Variants in ZFPM1 observed in about 807,000 individuals in gnomAD.
ZFPM1 encodes zinc finger protein ZFPM1.
Under a neutral mutation model 46.3 loss-of-function variants are expected in ZFPM1, and 28 were observed. The ratio of observed to expected loss-of-function variants is 0.60; its 90% CI spans 0.45 to 0.83. The LOEUF (loss-of-function observed/expected upper bound fraction) is 0.83, where lower values mean the gene tolerates loss of function less well. ZFPM1 is among the 40% of genes least tolerant of loss of function. The pLI, the probability that ZFPM1 is intolerant of heterozygous loss-of-function variation, is 0.00. For synonymous variants in ZFPM1, 957 were observed against 675.9 expected, an observed-to-expected ratio of 1.42 and a Z score of -6.45; for missense variants, 1,878 against 1,432.4, an observed-to-expected ratio of 1.31 and a Z score of -5.02.
At chr16:88,493,359 G>GC (rs1909721642) in intron 3 of ZFPM1, among the ~76,000 whole-genome samples, 1 of 142,980 alleles carries the variant, frequency 7.0e-6, no homozygotes, top group Admixed American at 6.8e-5. Context: ...GTCCCGGGGT[G>GC]GGGAGAGCTG....
intron 4 of ZFPM1, among the ~76,000 whole-genome samples, chr16:88,514,793 T>C (rs1202540842): frequency 1.3e-5 from 2 of 152,126 alleles, no homozygotes; most frequent in Non-Finnish European, 2.9e-5. Flanking sequence ...TGACTGGGCA[T>C]TGAAGCAGAG....
rs554548474 is a variant in ZFPM1, at chr16:88,528,253, C to T, written c.712+15C>T. ...AGTGATCAACAGTAAGTGCTGGGCT[C>T]TCCGCACCCAGGGCGGCTGCTCCAC... On this transcript the variant is annotated intron_variant, in intron 6 of 9. Transcript: ENST00000319555. The T allele has an allele frequency of 6.3e-7, 1 of 1,578,544 alleles. No homozygotes were observed.
At chr16:88,462,784 G>A (rs1907956927) in intron 1 of ZFPM1, among the ~76,000 whole-genome samples, 1 of 152,214 alleles carries the variant, frequency 6.6e-6, no homozygotes, top group Non-Finnish European at 1.5e-5. Context: ...CTGGGCTCCA[G>A]GGTTGCCCGG....
At position 88,532,254 on chromosome 16, in the gene ZFPM1, C is replaced by A; in HGVS notation, c.946+19C>A. ...CACAGCGGTGAGCCCCCACCCCGGA[C>A]GCGGGTCCTCAGGATGCCGGCTGCT... On this transcript the variant is annotated intron_variant, in intron 7 of 9. Coordinates refer to ENST00000319555, the MANE Select transcript of ZFPM1 (RefSeq NM_153813.3). 6.4e-7 allele frequency: 1 copy of A among 1,572,930 alleles called. No individual in the cohort carries two copies. The highest frequency in any genetic ancestry group is 8.6e-7 in the Non-Finnish European group (1 of 1,156,350).
intron 4 of ZFPM1, among the ~76,000 whole-genome samples, chr16:88,517,472 C>CTGGG (rs1291474810): frequency 1.6e-3 from 86 of 54,590 alleles, no homozygotes; most frequent in Non-Finnish European, 2.5e-3. Context: ...GGATGGATGG[C>CTGGG]TGGGTGGATG....
At position 88,534,758 on chromosome 16, in the gene ZFPM1, C is replaced by T; in HGVS notation, c.2800C>T (p.Pro934Ser). The change falls in exon 10 of 10, where the codon CCG (proline) becomes TCG (serine). Residue 934 changes from proline to serine, a missense_variant. Transcript: ENST00000319555. ...EPQEPPPGPPPSPAAAPEAVP... is the reference protein window; with the variant it reads ...EPQEPPPGPPSSPAAAPEAVP... ...CCAGGAGCCGCCGCCCGGCCCGCCC[C>T]CGTCCCCGGCCGCCGCGCCCGAGGC... 9.3e-7 allele frequency: 1 copy of T among 1,080,248 alleles called. No homozygotes were observed. Among genetic ancestry groups the T allele is most frequent in the Non-Finnish European group, 1.1e-6 (1 of 890,848 alleles). The allele number at this position is 1,080,248 out of a possible 1,614,324, so 66.9% of individuals were successfully genotyped here. A position where few individuals can be genotyped will look rare whatever the true frequency, so the allele number is the denominator to read the frequency against.
At position 88,534,270 on chromosome 16, in the gene ZFPM1, C is replaced by T. The variant is rs1913085265; in HGVS notation, c.2312C>T (p.Pro771Leu). ...GHAPAPESPR[P>L]GSGSGSGPGL... ...GCCCCCGCGCCCGAGTCGCCGCGGC[C>T]CGGAAGCGGAAGCGGAAGCGGCCCC... Residue 771 changes from proline to leucine, a missense_variant, in exon 10 of 10, where the codon CCC becomes CTC. Transcript: ENST00000319555. 1 of 1,123,906 alleles carries T rather than the reference C, an allele frequency of 8.9e-7. No homozygotes were observed. The highest frequency in any genetic ancestry group is 1.1e-6 in the Non-Finnish European group (1 of 922,972). The allele number at this position is 1,123,906 out of a possible 1,614,324, so 69.6% of individuals were successfully genotyped here. A position where few individuals can be genotyped will look rare whatever the true frequency, so the allele number is the denominator to read the frequency against.
chr16:88,516,172 G>T (rs1911283633), intron 4 of ZFPM1: 1 of 398,552 alleles, frequency 2.5e-6, no homozygotes, highest in Non-Finnish European at 4.4e-6. Context: ...GGATCAAACA[G>T]CAGAGGGAGA....
chr16:88,459,128 G>T (rs951120472), intron 1 of ZFPM1, among the ~76,000 whole-genome samples: 1 of 152,180 alleles, frequency 6.6e-6, no homozygotes, highest in Non-Finnish European at 1.5e-5. Context: ...GAATTTGCCT[G>T]TGTGCAGGCG....
intron 1 of ZFPM1, among the ~76,000 whole-genome samples, chr16:88,455,787 G>A (rs1291293261): frequency 6.6e-6 from 1 of 152,196 alleles, no homozygotes; most frequent in African/African-American, 2.4e-5. Flanking sequence ...GGGAGCGGGG[G>A]CAGGGCGAGG....
chr16:88,532,382 G>T, intron 7 of ZFPM1, 147 bp downstream of exon 7: 3 of 962,428 alleles, frequency 3.1e-6, no homozygotes, highest in Non-Finnish European at 4.5e-6. Context: ...GCCCCCGCAG[G>T]GGCCCAGAGC....
At chr16:88,505,724 C>G (rs1377125542) in intron 3 of ZFPM1, among the ~76,000 whole-genome samples, 1 of 152,188 alleles carries the variant, frequency 6.6e-6, no homozygotes, top group African/African-American at 2.4e-5. Flanking sequence ...CTGCTGACCC[C>G]ACCCAGGCCC....
Position 88,479,192 on chromosome 16 carries a change from C to T in ZFPM1, c.41-6747C>T, listed in dbSNP as rs185622094. On this transcript the variant is annotated intron_variant, in intron 1 of 9. Transcript: ENST00000319555. ...GAGTCCCGAGTCCCAACCGCGGGGCCGGGCTCCCCACGCAGGTGGTGCTGG... is the reference window on the plus strand; with the variant it reads ...GAGTCCCGAGTCCCAACCGCGGGGCTGGGCTCCCCACGCAGGTGGTGCTGG... Among the ~76,000 whole-genome samples the T allele has an allele frequency of 7.3e-4, 111 of 152,296 alleles. No homozygotes were observed. The East Asian group carries it at 0.014, about 19-fold the overall frequency.
At chr16:88,532,395 G>A (rs919434692) in intron 7 of ZFPM1, among the ~76,000 whole-genome samples, 160 bp downstream of exon 7, 1 of 152,200 alleles carries the variant, frequency 6.6e-6, no homozygotes, top group Non-Finnish European at 1.5e-5. Flanking sequence ...CCCAGAGCAG[G>A]CAGGCCGGAC....
chr16:88,476,282 C>A (rs566386495), intron 1 of ZFPM1, among the ~76,000 whole-genome samples: 1 of 152,186 alleles, frequency 6.6e-6, no homozygotes, highest in Non-Finnish European at 1.5e-5. Context: ...GCCACACCCC[C>A]CTCCAAGCCA....
At chr16:88,478,751 C>T (rs1236867421) in intron 1 of ZFPM1, among the ~76,000 whole-genome samples, 1 of 152,160 alleles carries the variant, frequency 6.6e-6, no homozygotes, top group African/African-American at 2.4e-5. Context: ...CACATAGAGG[C>T]GAGGGTTCCC....
At chr16:88,489,883 G>A (rs1024913923) in intron 3 of ZFPM1, among the ~76,000 whole-genome samples, 7 of 152,162 alleles carry the variant, frequency 4.6e-5, no homozygotes, top group South Asian at 4.2e-4. Context: ...AGCGTCTGGG[G>A]TGGAATCCCA....
chr16:88,453,361 C>G lies in ZFPM1; in HGVS notation c.-278C>G, dbSNP rs919733167. ...GTTCCATTGAGAAAAGCCGAGCGGC[C>G]GCGGCGGCGGCGGCGAGTGCGCGGG... On this transcript the variant is annotated 5_prime_UTR_variant, in exon 1 of 10. Transcript: ENST00000319555. 1 of 146,816 alleles carries G rather than the reference C, an allele frequency of 6.8e-6. No homozygotes were observed. The highest frequency in any genetic ancestry group is 6.8e-5 in the Admixed American group (1 of 14,794). 9.1% of individuals were successfully genotyped at this position (146,816 alleles called of 1,614,324 possible).
At position 88,535,318 on chromosome 16, in the gene ZFPM1, A is replaced by G. The variant is rs912393089; in HGVS notation, c.*339A>G. ...GGTGCTAAGAGCTAGACCGAGCGTC[A>G]GGTCGGAGGCCACAGCACACACTGA... On this transcript the variant is annotated 3_prime_UTR_variant, in exon 10 of 10. Transcript: ENST00000319555. 51 of 191,248 alleles carry G rather than the reference A, an allele frequency of 2.7e-4. No homozygotes were observed. The highest frequency in any genetic ancestry group is 1.8e-4 in the Admixed American group (3 of 16,288). The allele number at this position is 191,248 out of a possible 1,614,324, so 11.8% of individuals were successfully genotyped here. A position where few individuals can be genotyped will look rare whatever the true frequency, so the allele number is the denominator to read the frequency against.
Sources: allele counts gnomAD v4.1 joint callset (sites outside exome capture counted in the v4.1 genomes callset), GRCh38; gene constraint gnomAD v4.1.1; transcripts MANE v1.5; gene names NCBI Gene and HGNC (gene_info 2026-07-23, HGNC 2026-07-21).